The following FBN2 variants were observed in gnomAD, a reference collection of about 807,000 sequenced individuals.
The protein encoded by FBN2 is fibrillin-2.
In FBN2, 105 loss-of-function variants were observed where a neutral mutation model predicts 355.6. The observed-to-expected ratio is 0.30, with a 90% CI of 0.25 to 0.35. The LOEUF (loss-of-function observed/expected upper bound fraction) is 0.35. FBN2 is among the 10% of genes least tolerant of loss of function. The pLI is 1.00. For synonymous variants in FBN2, 1,350 were observed against 1,301.2 expected, an observed-to-expected ratio of 1.04 and a Z score of -0.81; for missense variants, 3,280 against 3,758.7, an observed-to-expected ratio of 0.87 and a Z score of 3.33.
intron 5 of FBN2, among the ~76,000 whole-genome samples, chr5:128,507,975 C>G (rs956710446): frequency 6.6e-6 from 1 of 151,956 alleles, no homozygotes; most frequent in Non-Finnish European, 1.5e-5. Flanking sequence ...CACTTAGAAC[C>G]ATCACATCTT....
intron 3 of FBN2, 90 bp downstream of exon 3, chr5:128,530,505 T>C (rs1756673720): frequency 2.3e-6 from 2 of 852,142 alleles, no homozygotes; most frequent in Non-Finnish European, 4.0e-6. Context: ...GTAATAACAG[T>C]TAAAACTCCC....
chr5:128,338,897 G>A, intron 26 of FBN2, 36 bp downstream of exon 26: 1 of 1,611,464 alleles, frequency 6.2e-7, no homozygotes, highest in Non-Finnish European at 8.5e-7. Flanking sequence ...TGCTAGTATG[G>A]TTTCAAGCTG....
In FBN2 at chr5:128,259,390, C is replaced by T; in HGVS notation, c.*65G>A. 1 of 1,590,544 alleles carries T rather than the reference C, an allele frequency of 6.3e-7. No homozygotes were observed. The highest frequency in any genetic ancestry group is 1.1e-5 in the South Asian group (1 of 90,426). ...TTTCCTCTTTAAAATTAGTCCTTGACTTTTCAAATGCTTCTGCAGACTGGC... is the reference window on the plus strand; with the variant it reads ...TTTCCTCTTTAAAATTAGTCCTTGATTTTTCAAATGCTTCTGCAGACTGGC... On this transcript the variant is annotated 3_prime_UTR_variant, in exon 65 of 65. Coordinates refer to ENST00000262464, the MANE Select transcript of FBN2 (RefSeq NM_001999.4).
intron 63 of FBN2, among the ~76,000 whole-genome samples, chr5:128,262,546 AG>A (rs1765001962): frequency 6.6e-6 from 1 of 152,206 alleles, no homozygotes; most frequent in Non-Finnish European, 1.5e-5. Flanking sequence ...CCATTGTTTC[AG>A]GGGCCTGAAG....
At chr5:128,380,936 A>C (rs574677461) in intron 11 of FBN2, among the ~76,000 whole-genome samples, 1 of 152,178 alleles carries the variant, frequency 6.6e-6, no homozygotes, top group African/African-American at 2.4e-5. Context: ...AATTCATGGG[A>C]TTTAACCTCC....
chr5:128,349,616 C>T (rs115099405), intron 22 of FBN2, 144 bp from the exon 23 acceptor site: 12 of 1,052,886 alleles, frequency 1.1e-5, no homozygotes, highest in African/African-American at 7.9e-5. Flanking sequence ...ATTCCACAAC[C>T]GAGCCACCCG....
intron 6 of FBN2, among the ~76,000 whole-genome samples, chr5:128,451,254 T>C (rs575879801): frequency 6.6e-6 from 1 of 152,334 alleles, no homozygotes; most frequent in East Asian, 1.9e-4. Flanking sequence ...AGTATTTTTG[T>C]ACTGAATTAA....
rs1377647790 is a variant in FBN2 at position 128,368,431 on chromosome 5, TATACAC to T, written c.2248+745_2248+750del. Among the ~76,000 whole-genome samples, 913 of 139,624 alleles carry T rather than the reference TATACAC, an allele frequency of 6.5e-3. 16 individuals carry two copies. The highest frequency in any genetic ancestry group is 0.018 in the East Asian group (80 of 4,432). The allele number at this position is 139,624 out of a possible 152,430, so 91.6% of individuals were successfully genotyped here. On this transcript the variant is annotated intron_variant, in intron 16 of 64. Transcript: ENST00000262464. ...ATGTGTGTGTGTGTGTATATATATA[TATACAC>T]ATATATACATATATATACACATATA...
At chr5:128,323,891 T>C (rs1157091267) in intron 34 of FBN2, among the ~76,000 whole-genome samples, 1 of 152,204 alleles carries the variant, frequency 6.6e-6, no homozygotes, top group Non-Finnish European at 1.5e-5. Flanking sequence ...TACCTCTGGA[T>C]GAATATGGCT....
At chr5:128,435,507 T>C (rs1049193072) in intron 7 of FBN2, among the ~76,000 whole-genome samples, 24 of 152,184 alleles carry the variant, frequency 1.6e-4, no homozygotes, top group African/African-American at 5.3e-4. Context: ...ATGCTTTATA[T>C]GTTATGCATA....
At chr5:128,444,312 T>A (rs1325854383) in intron 7 of FBN2, among the ~76,000 whole-genome samples, 1 of 151,944 alleles carries the variant, frequency 6.6e-6, no homozygotes, top group Non-Finnish European at 1.5e-5. Context: ...GACCTCAAGA[T>A]CCACCCGCCT....
At chr5:128,394,378 C>T (rs910374026) in intron 9 of FBN2, among the ~76,000 whole-genome samples, 4 of 151,972 alleles carry the variant, frequency 2.6e-5, no homozygotes, top group East Asian at 1.9e-4. Context: ...GTTACCACAG[C>T]GTAGTTAATG....
At chr5:128,320,539 T>C (rs1179828489) in intron 34 of FBN2, among the ~76,000 whole-genome samples, 1 of 152,196 alleles carries the variant, frequency 6.6e-6, no homozygotes, top group Non-Finnish European at 1.5e-5. Context: ...TGAACTTTAT[T>C]AGAAATTTCT....
At chr5:128,457,441 A>G (rs1325755992) in intron 6 of FBN2, among the ~76,000 whole-genome samples, 1 of 152,186 alleles carries the variant, frequency 6.6e-6, no homozygotes, top group Non-Finnish European at 1.5e-5. Flanking sequence ...CAAATTCAGG[A>G]AATACAGAGA....
intron 6 of FBN2, among the ~76,000 whole-genome samples, chr5:128,450,270 G>C (rs1754202304): frequency 6.6e-6 from 1 of 151,962 alleles, no homozygotes; most frequent in African/African-American, 2.4e-5. Context: ...TACCAAGAAA[G>C]ACTATATTCT....
At chr5:128,369,386 T>A in intron 15 of FBN2, 52 bp from the exon 16 acceptor site, 4 of 1,597,072 alleles carry the variant, frequency 2.5e-6, no homozygotes, top group Non-Finnish European at 3.4e-6. Flanking sequence ...GACAAAGAGA[T>A]TTCGAAACAG....
intron 5 of FBN2, among the ~76,000 whole-genome samples, chr5:128,497,745 A>G (rs893108147): frequency 2.6e-5 from 4 of 152,200 alleles, no homozygotes; most frequent in Non-Finnish European, 4.4e-5. Context: ...AGTTAAAATA[A>G]TTAACACAAA....
chr5:128,487,949 G>C (rs538035343), intron 5 of FBN2, among the ~76,000 whole-genome samples: 39 of 152,198 alleles, frequency 2.6e-4, no homozygotes, highest in African/African-American at 8.7e-4. Flanking sequence ...GATAAACTCA[G>C]ATACACAGTT....
At chr5:128,419,429 T>C (rs1179386557) in intron 7 of FBN2, among the ~76,000 whole-genome samples, 2 of 152,174 alleles carry the variant, frequency 1.3e-5, no homozygotes, top group African/African-American at 2.4e-5. Context: ...TTAAGTATGA[T>C]GTTAGTTGTA....
Sources: gnomAD v4.1 joint callset for allele counts (sites outside exome capture counted in the v4.1 genomes callset) on GRCh38, gnomAD v4.1.1 for gene constraint, MANE v1.5 for transcripts, NCBI Gene and HGNC (gene_info 2026-07-23, HGNC 2026-07-21) for gene names.